Variants in C1orf21 observed in about 807,000 individuals in gnomAD.
The protein encoded by C1orf21 is uncharacterized protein C1orf21.
A neutral mutation model predicts 18.7 loss-of-function variants in C1orf21; 3 were observed. That is an observed-to-expected ratio of 0.16 (90% CI 0.07 to 0.42). The LOEUF (loss-of-function observed/expected upper bound fraction) is 0.42. Ranked by LOEUF, C1orf21 falls within the 10% of genes least tolerant of loss-of-function variation. The pLI is 0.99. For missense variants in C1orf21, 104 were observed against 143.6 expected, an observed-to-expected ratio of 0.72 and a Z score of 1.41; for synonymous variants, 41 against 46.4, an observed-to-expected ratio of 0.88 and a Z score of 0.47.
intron 3 of C1orf21, among the ~76,000 whole-genome samples, chr1:184,517,739 G>A (rs1658251285): frequency 6.6e-6 from 1 of 152,132 alleles, no homozygotes; most frequent in Non-Finnish European, 1.5e-5. Flanking sequence ...AAACTAAAGT[G>A]AAGATAGATA....
chr1:184,593,890 G>C (rs894203845), intron 4 of C1orf21, among the ~76,000 whole-genome samples: 3 of 152,190 alleles, frequency 2.0e-5, no homozygotes, highest in Non-Finnish European at 4.4e-5. Context: ...AGATTACATA[G>C]AACATGACGC....
At chr1:184,391,162 T>G (rs1655966030) in intron 1 of C1orf21, among the ~76,000 whole-genome samples, 1 of 152,212 alleles carries the variant, frequency 6.6e-6, no homozygotes, top group South Asian at 2.1e-4. Context: ...GGTTATGCAA[T>G]TATGACAAGA....
chr1:184,555,342 G>A (rs1231468358), intron 3 of C1orf21, among the ~76,000 whole-genome samples: 1 of 152,140 alleles, frequency 6.6e-6, no homozygotes, highest in Non-Finnish European at 1.5e-5. Flanking sequence ...GAAACCATTG[G>A]TGGTAGGCAG....
intron 2 of C1orf21, among the ~76,000 whole-genome samples, chr1:184,483,910 T>G (rs921639797): frequency 0.03 from 211 of 7,138 alleles, 1 homozygote; most frequent in African/African-American, 0.099. Context: ...TGTGTGTGTG[T>G]GGGGCGGGGG....
rs182754433 is a variant in C1orf21, at chr1:184,456,092, G to A, written c.-124-21294G>A. 1.0e-3 allele frequency among the ~76,000 whole-genome samples: 152 copies of A among 152,268 alleles called. 1 individual carries two copies. Among genetic ancestry groups the A allele is most frequent in the Admixed American group, 1.8e-3 (27 of 15,282 alleles). Reference sequence around the variant, plus strand: ...AGAATGTTAAAGCAGCCTTCCTTGGGATGTAGCAAGCTATATTAATCAAAT... The same window carrying A: ...AGAATGTTAAAGCAGCCTTCCTTGGAATGTAGCAAGCTATATTAATCAAAT... On this transcript the variant is annotated intron_variant, in intron 1 of 5. Transcript: ENST00000235307.
chr1:184,618,565 T>C (rs989865186), intron 5 of C1orf21, among the ~76,000 whole-genome samples: 1 of 152,184 alleles, frequency 6.6e-6, no homozygotes, highest in Non-Finnish European at 1.5e-5. Flanking sequence ...GAAATAGTTA[T>C]ATGCAAAATT....
At chr1:184,441,587 A>G (rs976192360) in intron 1 of C1orf21, among the ~76,000 whole-genome samples, 2 of 152,210 alleles carry the variant, frequency 1.3e-5, no homozygotes, top group Non-Finnish European at 1.5e-5. Flanking sequence ...AAGCACATAC[A>G]TGACTTCATT....
intron 3 of C1orf21, among the ~76,000 whole-genome samples, chr1:184,551,468 G>T (rs1440730774): frequency 2.0e-5 from 3 of 152,170 alleles, no homozygotes; most frequent in African/African-American, 7.2e-5. Flanking sequence ...TCAGGGCAGG[G>T]ACTGTCATTG....
intron 1 of C1orf21, among the ~76,000 whole-genome samples, chr1:184,407,080 C>T (rs1347108251): frequency 6.6e-6 from 1 of 152,156 alleles, no homozygotes; most frequent in East Asian, 1.9e-4. Context: ...AAGTGATCTT[C>T]CCACCTTGCT....
intron 1 of C1orf21, among the ~76,000 whole-genome samples, chr1:184,447,352 A>G (rs1473637506): frequency 6.6e-6 from 1 of 152,200 alleles, no homozygotes; most frequent in Non-Finnish European, 1.5e-5. Flanking sequence ...CCAAGTGTCC[A>G]TGATTCAAGA....
At chr1:184,603,948 G>A (rs10911619) in intron 5 of C1orf21, among the ~76,000 whole-genome samples, 33,146 of 152,110 alleles carry the variant, frequency 0.22, 3,796 homozygotes, top group East Asian at 0.31. Context: ...AAAAGGTCAT[G>A]GTAAATCTGC....
chr1:184,473,997 A>G (rs1657533943), intron 1 of C1orf21, among the ~76,000 whole-genome samples: 1 of 152,232 alleles, frequency 6.6e-6, no homozygotes, highest in Non-Finnish European at 1.5e-5. Context: ...GAATAATTGG[A>G]CAAGTGTTTA....
intron 2 of C1orf21, among the ~76,000 whole-genome samples, chr1:184,478,480 C>G (rs1204497903): frequency 6.6e-6 from 1 of 152,054 alleles, no homozygotes; most frequent in Non-Finnish European, 1.5e-5. Context: ...TCACATAAAA[C>G]CTCAAATTTC....
intron 3 of C1orf21, among the ~76,000 whole-genome samples, chr1:184,534,085 A>G (rs1409669816): frequency 6.6e-6 from 1 of 151,650 alleles, no homozygotes; most frequent in Non-Finnish European, 1.5e-5. Flanking sequence ...CACAGTAACC[A>G]CTCTGAATAG....
At chr1:184,586,369 GC>G (rs1659353073) in intron 3 of C1orf21, among the ~76,000 whole-genome samples, 2 of 146,866 alleles carry the variant, frequency 1.4e-5, no homozygotes, top group African/African-American at 5.1e-5. Flanking sequence ...TGCAGGCTCC[GC>G]CCCCTGGGGT....
At chr1:184,466,028 G>T (rs560129070) in intron 1 of C1orf21, among the ~76,000 whole-genome samples, 1 of 146,736 alleles carries the variant, frequency 6.8e-6, no homozygotes, top group African/African-American at 2.6e-5. Context: ...CTTTCTCTAA[G>T]TACTTTTTGC....
intron 1 of C1orf21, among the ~76,000 whole-genome samples, chr1:184,396,339 G>T (rs1341211740): frequency 6.6e-6 from 1 of 152,122 alleles, no homozygotes; most frequent in Admixed American, 6.6e-5. Context: ...CTAGGAGGGA[G>T]ATACTGAGAA....
chr1:184,402,392 A>C (rs1656170912), intron 1 of C1orf21, among the ~76,000 whole-genome samples: 1 of 152,272 alleles, frequency 6.6e-6, no homozygotes, highest in Admixed American at 6.5e-5. Context: ...TTGGCTAGGC[A>C]GAAGGAGCAC....
intron 1 of C1orf21, among the ~76,000 whole-genome samples, chr1:184,459,784 G>C (rs1657273707): frequency 6.6e-6 from 1 of 152,168 alleles, no homozygotes; most frequent in Non-Finnish European, 1.5e-5. Flanking sequence ...AGCCCTAGGA[G>C]GGACATGGAC....
Sources: allele counts gnomAD v4.1 joint callset (sites outside exome capture counted in the v4.1 genomes callset), GRCh38; gene constraint gnomAD v4.1.1; transcripts MANE v1.5; gene names NCBI Gene and HGNC (gene_info 2026-07-23, HGNC 2026-07-21).